The following PRKCB variants were observed in gnomAD, a reference collection of about 807,000 sequenced individuals.
PRKCB encodes the protein protein kinase C beta.
A neutral mutation model predicts 81.5 loss-of-function variants in PRKCB; 13 were observed. The ratio of observed to expected loss-of-function variants is 0.16; its 90% CI spans 0.10 to 0.25. The LOEUF is 0.25. Ranked by LOEUF, PRKCB falls within the 10% of genes least tolerant of loss-of-function variation. The pLI, the probability that PRKCB is intolerant of heterozygous loss-of-function variation, is 1.00. For missense variants in PRKCB, 509 were observed against 875.7 expected (o/e 0.58, Z 5.29); for synonymous variants, 335 against 321.4 (o/e 1.04, Z -0.45).
intron 2 of PRKCB, among the ~76,000 whole-genome samples, chr16:23,981,409 T>C (rs1835037598): frequency 6.6e-6 from 1 of 151,998 alleles, no homozygotes; most frequent in Admixed American, 6.6e-5. Context: ...TCAAGATCCT[T>C]AATTTAATCA....
At chr16:24,119,092 C>G (rs1966767475) in intron 8 of PRKCB, among the ~76,000 whole-genome samples, 1 of 151,014 alleles carries the variant, frequency 6.6e-6, no homozygotes, top group Non-Finnish European at 1.5e-5. Context: ...TGACAACAAA[C>G]TCTGTGCAGA....
chr16:24,211,120 A>G (rs999017647), intron 16 of PRKCB, among the ~76,000 whole-genome samples: 15 of 152,214 alleles, frequency 9.9e-5, no homozygotes, highest in African/African-American at 3.4e-4. Flanking sequence ...TCTTCATACT[A>G]TGTCAGAGAG....
At chr16:24,053,586 T>C (rs1379227141) in intron 5 of PRKCB, among the ~76,000 whole-genome samples, 1 of 151,740 alleles carries the variant, frequency 6.6e-6, no homozygotes, top group East Asian at 1.9e-4. Context: ...AAAAAGAGGA[T>C]GGGAAGGAGG....
intron 2 of PRKCB, chr16:23,963,077 G>A (rs997163459): frequency 1.2e-4 from 19 of 152,268 alleles, no homozygotes; most frequent in African/African-American, 3.1e-4. Context: ...CCATTATTTC[G>A]TTCCGTTTTA....
rs543248509 is a variant in PRKCB, at chr16:24,059,174, G to A, written c.529+23627G>A. The stretch of plus-strand genomic sequence containing the variant: ...AGGCAGATGAATCTGTATATCCAGA[G>A]ATCCGATTGGAAAAACAGAGCCAAC... On this transcript the variant is annotated intron_variant, in intron 5 of 16. Coordinates refer to ENST00000643927, the MANE Select transcript of PRKCB (RefSeq NM_002738.7). Among the ~76,000 whole-genome samples, 4 of 152,284 alleles carry A rather than the reference G, an allele frequency of 2.6e-5. No homozygotes were observed. The South Asian group carries it at 8.3e-4, about 32-fold the overall frequency.
intron 3 of PRKCB, among the ~76,000 whole-genome samples, chr16:24,006,662 C>G (rs1010821631): frequency 1.3e-5 from 2 of 152,212 alleles, no homozygotes; most frequent in Admixed American, 6.5e-5. Context: ...GATTTTGGTT[C>G]TTGTGTTACA....
At chr16:23,922,214 A>G (rs1963835694) in intron 2 of PRKCB, among the ~76,000 whole-genome samples, 1 of 152,254 alleles carries the variant, frequency 6.6e-6, no homozygotes. Context: ...ATTAGGCAGG[A>G]GACCTAAATG....
intron 2 of PRKCB, among the ~76,000 whole-genome samples, chr16:23,937,642 C>A (rs1466854761): frequency 2.6e-5 from 4 of 152,202 alleles, no homozygotes; most frequent in Admixed American, 2.6e-4. Flanking sequence ...ACACCTCCAA[C>A]AAGATGGAAC....
At chr16:24,110,042 A>G (rs1966651919) in intron 7 of PRKCB, among the ~76,000 whole-genome samples, 1 of 134,354 alleles carries the variant, frequency 7.4e-6, no homozygotes, top group Admixed American at 7.3e-5. Context: ...CCGAGATGGC[A>G]GCAGTACAGT....
rs1057304037 is a variant in PRKCB at position 24,145,946 on chromosome 16, A to G, written c.1066-8738A>G. 6.6e-5 allele frequency among the ~76,000 whole-genome samples: 10 copies of G among 152,358 alleles called. No homozygotes were observed. In the South Asian group the frequency reaches 1.7e-3, roughly 25 times the overall value. On this transcript the variant is annotated intron_variant, in intron 9 of 16. Coordinates refer to ENST00000643927, the MANE Select transcript of PRKCB (RefSeq NM_002738.7). ...ACTTGGACATAGGGTCTTTGCAGTT[A>G]TAAGCAAGTTAAGATGTGGTCACTC...
intron 9 of PRKCB, among the ~76,000 whole-genome samples, chr16:24,146,161 A>T (rs768253445): frequency 7.9e-5 from 12 of 152,144 alleles, no homozygotes; most frequent in Admixed American, 3.3e-4. Context: ...GTGTGGATGG[A>T]ACAGATCCTC....
chr16:24,071,286 C>G (rs1309666279), intron 5 of PRKCB, among the ~76,000 whole-genome samples: 1 of 151,970 alleles, frequency 6.6e-6, no homozygotes, highest in African/African-American at 2.4e-5. Flanking sequence ...GGAGCCTGAG[C>G]TACCTCTTCT....
Position 24,123,867 on chromosome 16 carries a change from G to T in PRKCB, c.951G>T (p.Pro317=). 1.9e-6 allele frequency: 3 copies of T among 1,614,058 alleles called. No homozygotes were observed. The highest frequency in any genetic ancestry group is 2.5e-6 in the Non-Finnish European group (3 of 1,179,990). ...AGATCAGTCAGGGAACCAAGGTCCCGGAAGAAAAGACGACCAACACTGTCT... is the reference window on the plus strand; with the variant it reads ...AGATCAGTCAGGGAACCAAGGTCCCTGAAGAAAAGACGACCAACACTGTCT... ...RAKISQGTKV[P]EEKTTNTVSK... Residue 317 remains proline (P), a synonymous_variant, in exon 9 of 17, where the codon CCG becomes CCT. Coordinates refer to ENST00000643927, the MANE Select transcript of PRKCB (RefSeq NM_002738.7).
chr16:23,931,748 T>C (rs969537600), intron 2 of PRKCB, among the ~76,000 whole-genome samples: 7 of 152,080 alleles, frequency 4.6e-5, no homozygotes, highest in African/African-American at 1.7e-4. Context: ...TGGAGTCCAG[T>C]GCAAAATAAT....
At chr16:24,037,578 G>A (rs1596523259) in intron 5 of PRKCB, among the ~76,000 whole-genome samples, 2 of 152,176 alleles carry the variant, frequency 1.3e-5, no homozygotes, top group South Asian at 4.2e-4. Context: ...GTTTAGTTTC[G>A]TTTCGTTTCT....
At chr16:23,950,665 G>C (rs759286452) in intron 2 of PRKCB, among the ~76,000 whole-genome samples, 1 of 152,252 alleles carries the variant, frequency 6.6e-6, no homozygotes, top group Admixed American at 6.5e-5. Context: ...GTAGAACAGA[G>C]GGGCCTCCTG....
intron 3 of PRKCB, among the ~76,000 whole-genome samples, chr16:24,021,886 A>G (rs1965410043): frequency 6.6e-6 from 1 of 152,182 alleles, no homozygotes; most frequent in Non-Finnish European, 1.5e-5. Flanking sequence ...TCAATTCAAT[A>G]AAATTGGTGG....
Position 23,842,868 on chromosome 16 carries a change from T to A in PRKCB, c.205+5462T>A, listed in dbSNP as rs536792562. Among the ~76,000 whole-genome samples, 12 of 152,224 alleles carry A rather than the reference T, an allele frequency of 7.9e-5. No homozygotes were observed. In the South Asian group the frequency reaches 2.5e-3, roughly 32 times the overall value. Reference sequence around the variant, plus strand: ...CTAGAAAAGTTTGCACTTTTTTATATCACAAAAAAGGTTAATTTTATTTTC... The same window carrying A: ...CTAGAAAAGTTTGCACTTTTTTATAACACAAAAAAGGTTAATTTTATTTTC... On this transcript the variant is annotated intron_variant, in intron 2 of 16. Coordinates refer to ENST00000643927, the MANE Select transcript of PRKCB (RefSeq NM_002738.7).
chr16:24,007,160 TAA>T (rs1965136432), intron 3 of PRKCB, among the ~76,000 whole-genome samples: 1 of 152,132 alleles, frequency 6.6e-6, no homozygotes, highest in African/African-American at 2.4e-5. Flanking sequence ...TCCTCATCTA[TAA>T]AAAGAGGATA....
Sources: allele counts gnomAD v4.1 joint callset (sites outside exome capture counted in the v4.1 genomes callset), GRCh38; gene constraint gnomAD v4.1.1; transcripts MANE v1.5; gene names NCBI Gene and HGNC (gene_info 2026-07-23, HGNC 2026-07-21).